Variants in UTRN observed in about 807,000 individuals in gnomAD.
UTRN encodes utrophin.
UTRN carries 283 observed loss-of-function variants against 463.9 expected under a neutral mutation model. That is an observed-to-expected ratio of 0.61 (90% CI 0.55 to 0.67). The LOEUF (loss-of-function observed/expected upper bound fraction) is 0.67, where lower values mean the gene tolerates loss of function less well. Among genes scored for constraint, UTRN ranks in the 30% least tolerant of loss-of-function variants. The pLI, the probability that UTRN is intolerant of heterozygous loss-of-function variation, is 0.00. For missense variants in UTRN, 3,922 were observed against 4,084.3 expected (o/e 0.96, Z 1.08); for synonymous variants, 1,442 against 1,431.5 (o/e 1.01, Z -0.17).
At chr6:144,695,086 G>GAT (rs1783849683) in intron 52 of UTRN, among the ~76,000 whole-genome samples, 1 of 150,894 alleles carries the variant, frequency 6.6e-6, no homozygotes, top group Non-Finnish European at 1.5e-5. Flanking sequence ...CGCTAAAGTT[G>GAT]ATATTAAAGT....
intron 69 of UTRN, among the ~76,000 whole-genome samples, chr6:144,833,436 T>C (rs892356728): frequency 1.3e-5 from 2 of 152,236 alleles, no homozygotes; most frequent in African/African-American, 4.8e-5. Flanking sequence ...CTTGTGATAC[T>C]TTATCTTTAA....
intron 17 of UTRN, among the ~76,000 whole-genome samples, chr6:144,449,983 A>T (rs1172123247): frequency 6.6e-6 from 1 of 152,176 alleles, no homozygotes; most frequent in Non-Finnish European, 1.5e-5. Context: ...TAAAACACTT[A>T]GAAAGGGGCC....
intron 51 of UTRN, among the ~76,000 whole-genome samples, chr6:144,653,758 A>G (rs1016857095): frequency 6.6e-6 from 1 of 152,138 alleles, no homozygotes; most frequent in African/African-American, 2.4e-5. Context: ...GTCTGTACAC[A>G]TGTTTGCAAA....
Position 144,490,166 on chromosome 6 carries a change from T to TACTC in UTRN, c.4230_4231insACTC (p.Ala1411ThrfsTer30), listed in dbSNP as rs1792919240. 1.2e-6 allele frequency: 2 copies of TACTC among 1,613,102 alleles called. No individual in the cohort carries two copies. Among genetic ancestry groups the TACTC allele is most frequent in the Non-Finnish European group, 1.7e-6 (2 of 1,179,596 alleles). ...CCCTGACCTCCCCAGAGAGTAGGAC[T>TACTC]GCCAGAGGAGGAAGTCAGATGGATG... On this transcript the variant is annotated frameshift_variant, in exon 31 of 75. Coordinates refer to ENST00000367545, the MANE Select transcript of UTRN (RefSeq NM_007124.3). LOFTEE classifies it high-confidence loss of function.
intron 2 of UTRN, among the ~76,000 whole-genome samples, chr6:144,336,429 T>A (rs1776724271): frequency 6.6e-6 from 1 of 152,140 alleles, no homozygotes. Flanking sequence ...AACAAAATAT[T>A]ATGAAGACCA....
At chr6:144,426,487 G>T (rs201058575) in intron 7 of UTRN, 28 bp downstream of exon 7, 2 of 1,586,380 alleles carry the variant, frequency 1.3e-6, no homozygotes, top group Non-Finnish European at 8.6e-7. Flanking sequence ...CTAGAAGTGG[G>T]CTTTACAAAT....
At chr6:144,788,035 T>A (rs1776434788) in intron 61 of UTRN, among the ~76,000 whole-genome samples, 1 of 152,172 alleles carries the variant, frequency 6.6e-6, no homozygotes. Context: ...TTTGGTAGAT[T>A]ACTCAGTAAT....
intron 44 of UTRN, among the ~76,000 whole-genome samples, chr6:144,537,966 G>A (rs1797675141): frequency 6.6e-6 from 1 of 152,110 alleles, no homozygotes; most frequent in Non-Finnish European, 1.5e-5. Flanking sequence ...AAGGTTTTTA[G>A]GATATTGTAA....
At chr6:144,555,508 T>C (rs1799299363) in intron 49 of UTRN, among the ~76,000 whole-genome samples, 1 of 152,192 alleles carries the variant, frequency 6.6e-6, no homozygotes, top group Non-Finnish European at 1.5e-5. Flanking sequence ...TCTCAGCTCA[T>C]TGCAACAGCC....
At chr6:144,553,820 G>C (rs534755986) in intron 48 of UTRN, among the ~76,000 whole-genome samples, 2 of 150,942 alleles carry the variant, frequency 1.3e-5, no homozygotes, top group East Asian at 3.9e-4. Flanking sequence ...TGAGGCAGGA[G>C]AATCACTTGT....
At chr6:144,706,946 A>C (rs1415755333) in intron 53 of UTRN, 3 of 152,166 alleles carry the variant, frequency 2.0e-5, no homozygotes, top group Non-Finnish European at 4.4e-5. Context: ...TATACTGTAA[A>C]CATTATTTGG....
intron 43 of UTRN, among the ~76,000 whole-genome samples, chr6:144,535,588 A>G (rs1585163085): frequency 1.3e-5 from 2 of 152,198 alleles, no homozygotes; most frequent in East Asian, 3.8e-4. Context: ...ATTTTGACTA[A>G]AACAATATTT....
chr6:144,829,485 A>T (rs925802645), intron 69 of UTRN, among the ~76,000 whole-genome samples: 1 of 152,060 alleles, frequency 6.6e-6, no homozygotes, highest in African/African-American at 2.4e-5. Context: ...TTCTCAGCAA[A>T]TATTTTATCA....
intron 9 of UTRN, 59 bp from the exon 10 acceptor site, chr6:144,435,876 T>A: frequency 6.3e-7 from 1 of 1,575,548 alleles, no homozygotes; most frequent in Non-Finnish European, 8.6e-7. Flanking sequence ...AGTGTGAGTT[T>A]GCTGAACACC....
chr6:144,625,148 G>A (rs964081956), intron 51 of UTRN, among the ~76,000 whole-genome samples: 20 of 152,248 alleles, frequency 1.3e-4, no homozygotes, highest in African/African-American at 4.6e-4. Context: ...CACACGTCTG[G>A]AAGAAATAGT....
intron 63 of UTRN, among the ~76,000 whole-genome samples, chr6:144,796,231 G>A (rs1319945465): frequency 6.6e-6 from 1 of 152,104 alleles, no homozygotes; most frequent in African/African-American, 2.4e-5. Flanking sequence ...GTAGATGTGT[G>A]GCATTATTTC....
chr6:144,778,846 C>A (rs1050520155), intron 60 of UTRN, among the ~76,000 whole-genome samples: 4 of 152,154 alleles, frequency 2.6e-5, no homozygotes, highest in African/African-American at 7.2e-5. Context: ...TACCACATGA[C>A]TGAGCTGTCA....
intron 54 of UTRN, 130 bp from the exon 55 acceptor site, chr6:144,748,116 T>C: frequency 8.2e-7 from 1 of 1,224,950 alleles, no homozygotes; most frequent in Admixed American, 3.0e-5. Flanking sequence ...CCTGGACAAT[T>C]TTTACCCTGG....
In UTRN at chr6:144,645,303, T is replaced by C. The variant is rs187223914; in HGVS notation, c.7480-33103T>C. Among the ~76,000 whole-genome samples the C allele has an allele frequency of 3.3e-5, 5 of 152,332 alleles. No homozygotes were observed. In the East Asian group the frequency reaches 9.7e-4, roughly 29 times the overall value. On this transcript the variant is annotated intron_variant, in intron 51 of 74. Transcript: ENST00000367545. Reference sequence around the variant, plus strand: ...CTGCTTTAATTATTAAAAATAATTTTGTTTATTCAGTTCAATAGAATTGTA... The same window carrying C: ...CTGCTTTAATTATTAAAAATAATTTCGTTTATTCAGTTCAATAGAATTGTA...
Sources: gnomAD v4.1 joint callset for allele counts (sites outside exome capture counted in the v4.1 genomes callset) on GRCh38, gnomAD v4.1.1 for gene constraint, MANE v1.5 for transcripts, NCBI Gene and HGNC (gene_info 2026-07-23, HGNC 2026-07-21) for gene names.